Variants in ADGRG7 observed in about 807,000 individuals in gnomAD.
The protein encoded by ADGRG7 is G-protein coupled receptor 128.
ADGRG7 carries 82 observed loss-of-function variants against 88.6 expected under a neutral mutation model. The observed-to-expected ratio is 0.93, with a 90% CI of 0.77 to 1.11. The LOEUF (loss-of-function observed/expected upper bound fraction) is 1.11, where lower values mean the gene tolerates loss of function less well. ADGRG7 is among the 50% of genes most tolerant of loss of function. The pLI is 0.00. For missense variants in ADGRG7, 945 were observed against 953.4 expected (o/e 0.99, Z 0.12); for synonymous variants, 381 against 345.2 (o/e 1.10, Z -1.15).
At chr3:100,669,215 G>C in intron 15 of ADGRG7, 110 bp downstream of exon 15, 1 of 809,802 alleles carries the variant, frequency 1.2e-6, no homozygotes, top group Non-Finnish European at 1.8e-6. Context: ...GGCCAGGCGC[G>C]GTGGCTCACG....
intron 15 of ADGRG7, among the ~76,000 whole-genome samples, chr3:100,670,095 T>C (rs2094956553): frequency 6.6e-6 from 1 of 152,078 alleles, no homozygotes; most frequent in Non-Finnish European, 1.5e-5. Flanking sequence ...AAATACTAGA[T>C]CTTATTCATT....
chr3:100,649,776 G>C lies in ADGRG7; in HGVS notation c.1348G>C (p.Ala450Pro). 6.2e-7 allele frequency: 1 copy of C among 1,607,128 alleles called. No individual in the cohort carries two copies. Among genetic ancestry groups the C allele is most frequent in the East Asian group, 2.2e-5 (1 of 44,788 alleles). The change falls in exon 11 of 16, where the codon GCT (alanine) becomes CCT (proline). Residue 450 changes from alanine (A) to proline (P), a missense_variant. Ala to Pro is a conservative substitution (Grantham distance 27, BLOSUM62 -1). Transcript: ENST00000273352. ...ATGTGCACTGTCTGTTACTGGTCTG[G>C]CTCTCACAGTTATATTTCAGATTGT... ...VGCALSVTGLALTVIFQIVTR... is the reference protein window; with the variant it reads ...VGCALSVTGLPLTVIFQIVTR...
chr3:100,646,606 G>A lies in ADGRG7; in HGVS notation c.1148G>A (p.Cys383Tyr), dbSNP rs745845845. Residue 383 changes from cysteine (C) to tyrosine (Y), a missense_variant, in exon 10 of 16, where the codon TGT (cysteine) becomes TAT (tyrosine). Cys to Tyr is a radical substitution (Grantham distance 194). Coordinates refer to ENST00000273352, the MANE Select transcript of ADGRG7 (RefSeq NM_032787.3). ...QKEFQLYSYA[C>Y]VYWNLSAKDW... ...GAATTTCAACTCTATTCCTATGCCT[G>A]TGTCTATTGGAATTTGTCAGCGAAG... 2 of 1,613,838 alleles carry A rather than the reference G, an allele frequency of 1.2e-6. No individual in the cohort carries two copies. Among genetic ancestry groups the A allele is most frequent in the African/African-American group, 2.7e-5 (2 of 75,022 alleles).
intron 13 of ADGRG7, 46 bp downstream of exon 13, chr3:100,656,041 G>A (rs769492241): frequency 1.7e-6 from 2 of 1,195,982 alleles, no homozygotes; most frequent in African/African-American, 3.0e-5. Flanking sequence ...ACCTAAAAGT[G>A]TAACTGTTCA....
chr3:100,689,259 G>C (rs2094988828), intron 15 of ADGRG7, among the ~76,000 whole-genome samples: 1 of 151,992 alleles, frequency 6.6e-6, no homozygotes, highest in African/African-American at 2.4e-5. Context: ...TTTATTTTGA[G>C]CCTATGTGTG....
At chr3:100,674,140 G>T (rs1194976492) in intron 15 of ADGRG7, among the ~76,000 whole-genome samples, 10 of 149,870 alleles carry the variant, frequency 6.7e-5, no homozygotes, top group African/African-American at 2.5e-4. Context: ...TTTTATGTCT[G>T]CCTGTTTTGT....
intron 8 of ADGRG7, 140 bp from the exon 9 acceptor site, chr3:100,645,805 A>T: frequency 1.4e-6 from 1 of 706,644 alleles, no homozygotes; most frequent in African/African-American, 1.8e-5. Context: ...GCAATTAAGT[A>T]AAGGTTCAAC....
rs149392609 is a variant in ADGRG7 at position 100,645,035 on chromosome 3, G to A, written c.947-910G>A. Among the ~76,000 whole-genome samples, 112 of 152,346 alleles carry A rather than the reference G, an allele frequency of 7.4e-4. 1 individual carries two copies. The highest frequency in any genetic ancestry group is 2.6e-3 in the African/African-American group (110 of 41,578). ...TTTGGGGGCTGTCGGGGCCTTGCCT[G>A]TCTCCCTCTCAAATCAGATGACTGA... On this transcript the variant is annotated intron_variant, in intron 8 of 15. Coordinates refer to ENST00000273352, the MANE Select transcript of ADGRG7 (RefSeq NM_032787.3).
At chr3:100,650,715 T>C (rs993602300) in intron 11 of ADGRG7, among the ~76,000 whole-genome samples, 2 of 152,156 alleles carry the variant, frequency 1.3e-5, no homozygotes, top group Non-Finnish European at 2.9e-5. Context: ...GATTTCCACA[T>C]TTTTTCCCTG....
At chr3:100,691,912 T>A (rs1214796802) in intron 15 of ADGRG7, among the ~76,000 whole-genome samples, 1 of 152,204 alleles carries the variant, frequency 6.6e-6, no homozygotes, top group Non-Finnish European at 1.5e-5. Flanking sequence ...AACTTGCTTG[T>A]GCATATCTTT....
intron 6 of ADGRG7, among the ~76,000 whole-genome samples, chr3:100,639,516 A>C (rs1707603744): frequency 6.6e-6 from 1 of 152,140 alleles, no homozygotes; most frequent in African/African-American, 2.4e-5. Flanking sequence ...TTTCAATAGG[A>C]GTCTGGGCCC....
At chr3:100,615,122 TACAA>T (rs1707206077) in intron 1 of ADGRG7, among the ~76,000 whole-genome samples, 1 of 152,214 alleles carries the variant, frequency 6.6e-6, no homozygotes, top group Non-Finnish European at 1.5e-5. Flanking sequence ...CTTGATCAGT[TACAA>T]GGAGGTCTGA....
rs143315301 is a variant in ADGRG7 at position 100,645,984 on chromosome 3, A to G, written c.986A>G (p.Asp329Gly). The G allele has an allele frequency of 1.2e-6, 2 of 1,613,998 alleles. No individual in the cohort carries two copies. The highest frequency in any genetic ancestry group is 1.7e-6 in the Non-Finnish European group (2 of 1,179,898). ...KTCGFVVYQN[D>G]KLFQSKTFTA... ...TGCGGCTTTGTAGTTTATCAAAATGACAAGCTTTTCCAATCAAAAACTTTT... is the reference window on the plus strand; with the variant it reads ...TGCGGCTTTGTAGTTTATCAAAATGGCAAGCTTTTCCAATCAAAAACTTTT... The change falls in exon 9 of 16, where the codon GAC (aspartate) becomes GGC (glycine). Residue 329 changes from aspartate to glycine, a missense_variant. By Grantham distance (94) the Asp-to-Gly change is moderately conservative. Coordinates refer to ENST00000273352, the MANE Select transcript of ADGRG7 (RefSeq NM_032787.3).
chr3:100,665,487 C>A, intron 14 of ADGRG7: 5 of 513,828 alleles, frequency 9.7e-6, no homozygotes, highest in South Asian at 7.2e-5. Context: ...TTCCTTTCCG[C>A]CGTCAGTGGC....
intron 2 of ADGRG7, 101 bp downstream of exon 2, chr3:100,629,812 A>G: frequency 6.7e-6 from 5 of 745,656 alleles, no homozygotes; most frequent in Non-Finnish European, 1.1e-5. Context: ...ATGGTTACAG[A>G]AACAATGGAC....
chr3:100,619,382 A>G (rs1346715762), intron 1 of ADGRG7, among the ~76,000 whole-genome samples: 1 of 152,238 alleles, frequency 6.6e-6, no homozygotes, highest in Non-Finnish European at 1.5e-5. Flanking sequence ...ACAACACACC[A>G]GAATCTCTGG....
chr3:100,611,749 C>G (rs764855078), intron 1 of ADGRG7, among the ~76,000 whole-genome samples: 17 of 152,194 alleles, frequency 1.1e-4, no homozygotes, highest in Non-Finnish European at 1.9e-4. Flanking sequence ...TTCTCACTGT[C>G]ATTTAAAGAA....
chr3:100,632,463 G>T (rs886560987), intron 3 of ADGRG7, among the ~76,000 whole-genome samples: 1 of 152,022 alleles, frequency 6.6e-6, no homozygotes, highest in African/African-American at 2.4e-5. Context: ...GGGGATATTT[G>T]CACTTTTAGG....
At chr3:100,692,490 A>G (rs7614943) in intron 15 of ADGRG7, among the ~76,000 whole-genome samples, 52,671 of 152,026 alleles carry the variant, frequency 0.35, 9,584 homozygotes, top group South Asian at 0.49. Context: ...AGGAGGGGGA[A>G]ATTATAAAAG....
Sources: allele counts gnomAD v4.1 joint callset (sites outside exome capture counted in the v4.1 genomes callset), GRCh38; gene constraint gnomAD v4.1.1; transcripts MANE v1.5; gene names NCBI Gene and HGNC (gene_info 2026-07-23, HGNC 2026-07-21).